AFG2A: variants seen among roughly 807,000 people sequenced by gnomAD.
The protein encoded by AFG2A is AAA ATPase AFG2A.
chr4:123,270,969 A>G, the AFG2A span, among the ~76,000 whole-genome samples: 2 of 152,216 alleles, frequency 1.3e-5, no homozygotes, highest in Non-Finnish European at 1.5e-5. Flanking sequence ...TCCCTCAGTC[A>G]TTCTCTAAGG....
chr4:122,927,826 C>T, the AFG2A span: 1 of 1,578,266 alleles, frequency 6.3e-7, no homozygotes, highest in Admixed American at 1.9e-5. Flanking sequence ...AGAATCTAAA[C>T]TCTGAAATGC....
the AFG2A span, among the ~76,000 whole-genome samples, chr4:123,080,459 C>T: frequency 6.6e-6 from 1 of 152,194 alleles, no homozygotes; most frequent in East Asian, 1.9e-4. Context: ...TTATTTTGCT[C>T]TGGCAGCCCC....
At chr4:123,289,349 T>C in the AFG2A span, among the ~76,000 whole-genome samples, 2 of 152,214 alleles carry the variant, frequency 1.3e-5, no homozygotes, top group Admixed American at 1.3e-4. Flanking sequence ...CGTTACTTTG[T>C]TATTTTTTCT....
At chr4:123,261,927 A>C in the AFG2A span, among the ~76,000 whole-genome samples, 1 of 151,982 alleles carries the variant, frequency 6.6e-6, no homozygotes, top group Non-Finnish European at 1.5e-5. Flanking sequence ...ATAGAGGTGC[A>C]TGCCACTGTG....
At chr4:122,992,611 T>G in the AFG2A span, among the ~76,000 whole-genome samples, 1 of 152,256 alleles carries the variant, frequency 6.6e-6, no homozygotes, top group Non-Finnish European at 1.5e-5. Flanking sequence ...TAGCATGTTT[T>G]CAGAAAAGAT....
the AFG2A span, among the ~76,000 whole-genome samples, chr4:123,013,071 T>C: frequency 4.0e-5 from 6 of 151,180 alleles, no homozygotes; most frequent in Non-Finnish European, 8.9e-5. Flanking sequence ...GAGATAGGGG[T>C]GGGGCCGTTT....
At chr4:123,107,002 G>A in the AFG2A span, among the ~76,000 whole-genome samples, 1 of 152,218 alleles carries the variant, frequency 6.6e-6, no homozygotes, top group Admixed American at 6.5e-5. Flanking sequence ...CAAGGCTGTG[G>A]CTGGACCAGA....
the AFG2A span, among the ~76,000 whole-genome samples, chr4:123,161,508 G>T: frequency 1.3e-5 from 2 of 152,144 alleles, no homozygotes; most frequent in Non-Finnish European, 2.9e-5. Flanking sequence ...TAATACTCTA[G>T]GCAAGGGATA....
At chr4:123,010,402 T>G in the AFG2A span, among the ~76,000 whole-genome samples, 13 of 7,908 alleles carry the variant, frequency 1.6e-3, 1 homozygote, top group South Asian at 0.16. Context: ...TTTTAATGTA[T>G]TTTTTTTTCC....
the AFG2A span, among the ~76,000 whole-genome samples, chr4:123,086,098 T>C: frequency 2.0e-5 from 3 of 152,136 alleles, no homozygotes; most frequent in East Asian, 5.8e-4. Context: ...CAGTTAAAAG[T>C]AGGAAAAATT....
At chr4:123,196,167 A>ATTTTTTTTTTT in the AFG2A span, among the ~76,000 whole-genome samples, 4 of 79,676 alleles carry the variant, frequency 5.0e-5, no homozygotes, top group Non-Finnish European at 7.0e-5. Flanking sequence ...TGCCCAGCTA[A>ATTTTTTTTTTT]TTTTTTTTTT....
the AFG2A span, among the ~76,000 whole-genome samples, chr4:123,281,252 G>A: frequency 6.6e-6 from 1 of 152,008 alleles, no homozygotes. Flanking sequence ...AAGCTAACAG[G>A]AAAATATGTC....
the AFG2A span, among the ~76,000 whole-genome samples, chr4:123,022,346 C>T: frequency 6.6e-6 from 1 of 151,984 alleles, no homozygotes; most frequent in African/African-American, 2.4e-5. Flanking sequence ...TACAAGAAAA[C>T]AAACAACCCC....
chr4:123,311,089 G>A, the AFG2A span, among the ~76,000 whole-genome samples: 1 of 152,086 alleles, frequency 6.6e-6, no homozygotes, highest in Admixed American at 6.5e-5. Context: ...TCAAAACTCT[G>A]TCCAAGTTTT....
At chr4:122,940,306 T>C in the AFG2A span, among the ~76,000 whole-genome samples, 4 of 152,128 alleles carry the variant, frequency 2.6e-5, no homozygotes, top group Non-Finnish European at 5.9e-5. Flanking sequence ...GTTTCCTGAC[T>C]TTTTAATGAT....
the AFG2A span, among the ~76,000 whole-genome samples, chr4:123,107,470 G>C: frequency 1.2e-4 from 19 of 152,224 alleles, no homozygotes; most frequent in Non-Finnish European, 2.8e-4. Flanking sequence ...AGAAGGGACA[G>C]AGTGCATGCT....
the AFG2A span, among the ~76,000 whole-genome samples, chr4:123,227,631 C>G: frequency 6.6e-6 from 1 of 152,038 alleles, no homozygotes; most frequent in Non-Finnish European, 1.5e-5. Context: ...TTACTTCCAA[C>G]TATGTGGTCA....
chr4:122,938,494 T>G, the AFG2A span, among the ~76,000 whole-genome samples: 2 of 152,230 alleles, frequency 1.3e-5, no homozygotes, highest in Non-Finnish European at 2.9e-5. Flanking sequence ...CATGATGGAT[T>G]TATTTTGTGA....
At chr4:123,094,080 TC>T in the AFG2A span, among the ~76,000 whole-genome samples, 1 of 152,212 alleles carries the variant, frequency 6.6e-6, no homozygotes, top group African/African-American at 2.4e-5. Flanking sequence ...CTAGTGATTC[TC>T]TAATGTTTGA....
Sources: allele counts gnomAD v4.1 joint callset (sites outside exome capture counted in the v4.1 genomes callset), GRCh38; gene constraint gnomAD v4.1.1; transcripts MANE v1.5; gene names NCBI Gene and HGNC (gene_info 2026-07-23, HGNC 2026-07-21).